TRPV3: variants seen among roughly 807,000 people sequenced by gnomAD.
The protein encoded by TRPV3 is VRL-3.
TRPV3 carries 88 observed loss-of-function variants against 87.1 expected under a neutral mutation model. The observed-to-expected ratio is 1.01, with a 90% CI of 0.85 to 1.21. The LOEUF is 1.21. TRPV3 is among the 50% of genes most tolerant of loss of function. The pLI, the probability that TRPV3 is intolerant of heterozygous loss-of-function variation, is 0.00. For missense variants in TRPV3, 1,054 were observed against 1,030.1 expected, an observed-to-expected ratio of 1.02 and a Z score of -0.32; for synonymous variants, 438 against 423.3, an observed-to-expected ratio of 1.03 and a Z score of -0.43.
intron 17 of TRPV3, chr17:3,514,382 A>G (rs2074154375): frequency 1.7e-6 from 1 of 584,652 alleles, no homozygotes; most frequent in African/African-American, 1.9e-5. Context: ...CCCGGCCTGC[A>G]TGATGTGTTT....
In TRPV3 at chr17:3,526,898, C is replaced by T. The variant is rs778694903; in HGVS notation, c.1533G>A (p.Ser511=). 15 of 1,612,046 alleles carry T rather than the reference C, an allele frequency of 9.3e-6. No individual in the cohort carries two copies. The highest frequency in any genetic ancestry group is 3.3e-4 in the Middle Eastern group (2 of 6,080). ...EGIAIFLLRP[S]DLQSILSDAW... ...CATCCGAGAGGATGGACTGCAGATC[C>T]GAGGGTCTCAGCAGGAAGATGGCAA... is the stretch of plus-strand genomic sequence containing the variant. The change falls in exon 12 of 18, where the codon TCG becomes TCA. Residue 511 remains serine (S), a synonymous_variant. Coordinates refer to ENST00000576742, the MANE Select transcript of TRPV3 (RefSeq NM_145068.4).
chr17:3,514,080 C>CTT, intron 17 of TRPV3, 69 bp from the exon 18 acceptor site: 2 of 1,344,308 alleles, frequency 1.5e-6, no homozygotes, highest in Non-Finnish European at 1.0e-6. Context: ...TTTTCTTTTT[C>CTT]TTTTTTTTCT....
intron 8 of TRPV3, 143 bp downstream of exon 8, chr17:3,532,514 G>T: frequency 9.1e-7 from 1 of 1,093,440 alleles, no homozygotes; most frequent in Non-Finnish European, 1.3e-6. Context: ...CCACGCCACT[G>T]CAGTTCTGGA....
rs1302188939 is a variant in TRPV3 at position 3,526,843 on chromosome 17, G to C, written c.1577+11C>G. The C allele has an allele frequency of 3.1e-6, 5 of 1,607,554 alleles. No homozygotes were observed. The highest frequency in any genetic ancestry group is 1.7e-6 in the Non-Finnish European group (2 of 1,176,922). On this transcript the variant is annotated intron_variant, in intron 12 of 17. Coordinates refer to ENST00000576742, the MANE Select transcript of TRPV3 (RefSeq NM_145068.4). ...CTGTGAGGCGATAACCAAGGGGCCA[G>C]ACCTACTTACAAGACAAAGTGGAAC...
At chr17:3,529,906 G>T (rs1234379005) in intron 9 of TRPV3, 121 bp downstream of exon 9, 2 of 1,119,122 alleles carry the variant, frequency 1.8e-6, no homozygotes, top group Non-Finnish European at 1.3e-6. Flanking sequence ...CAACAGAGTG[G>T]GGTATGCAGA....
intron 2 of TRPV3, among the ~76,000 whole-genome samples, chr17:3,550,997 G>C (rs981459431): frequency 6.6e-6 from 1 of 152,222 alleles, no homozygotes; most frequent in African/African-American, 2.4e-5. Context: ...TCTTCAGAGA[G>C]GGGCTGCGCT....
chr17:3,514,632 A>G lies in TRPV3; in HGVS notation c.2239T>C (p.Ser747Pro), dbSNP rs756918114. ...GGCCCCGGGTCTTCGTTAAGGAAGG[A>G]GACGTGCGTCTTCCATTCAGTCCAC... Reference protein sequence around the residue: ...VKWTEWKTHVSFLNEDPGPVR... With the variant: ...VKWTEWKTHVPFLNEDPGPVR... Residue 747 changes from serine to proline, a missense_variant, in exon 17 of 18, where the codon TCC (serine) becomes CCC (proline). By Grantham distance (74) the Ser-to-Pro change is moderately conservative. Coordinates refer to ENST00000576742, the MANE Select transcript of TRPV3 (RefSeq NM_145068.4). The G allele has an allele frequency of 1.9e-6, 3 of 1,614,046 alleles. No homozygotes were observed. The South Asian group carries it at 3.3e-5, about 18-fold the overall frequency.
rs1357265829 is a variant in TRPV3 at position 3,530,824 on chromosome 17, G to A, written c.1066-621C>T. Among the ~76,000 whole-genome samples, 2 of 152,146 alleles carry A rather than the reference G, an allele frequency of 1.3e-5. No homozygotes were observed. The highest frequency in any genetic ancestry group is 1.9e-4 in the East Asian group (1 of 5,178). The stretch of plus-strand genomic sequence containing the variant: ...TAATCCCAGCACTTTGGGAGGCCGA[G>A]GCGGGTGGATCATTTGAGGTCAGGA... On this transcript the variant is annotated intron_variant, in intron 8 of 17. Coordinates refer to ENST00000576742, the MANE Select transcript of TRPV3 (RefSeq NM_145068.4). The surrounding 1 kb of genome is among the most constrained non-coding windows in gnomAD (Gnocchi z 4.0).
chr17:3,539,525 A>G (rs1007657358), intron 6 of TRPV3: 27 of 152,128 alleles, frequency 1.8e-4, no homozygotes, highest in Admixed American at 1.7e-3. Context: ...GGTGGCACGC[A>G]TCTATAGTCC....
intron 7 of TRPV3, among the ~76,000 whole-genome samples, chr17:3,533,594 G>A (rs1330548642): frequency 6.6e-6 from 1 of 151,774 alleles, no homozygotes; most frequent in African/African-American, 2.4e-5. Context: ...TGCCTCCCGG[G>A]TTCAAGCTAT....
At position 3,513,877 on chromosome 17, in the gene TRPV3, G is replaced by T; in HGVS notation, c.*40C>A. On this transcript the variant is annotated 3_prime_UTR_variant, in exon 18 of 18. Transcript: ENST00000576742. ...CAGAGTCGGTGACTCCGCCTGCAGC[G>T]CCAGACAGCGCACGCGCACACCAGC... 1 of 1,549,636 alleles carries T rather than the reference G, an allele frequency of 6.5e-7. No homozygotes were observed. The highest frequency in any genetic ancestry group is 1.4e-5 in the African/African-American group (1 of 73,254).
chr17:3,535,612 A>AG lies in TRPV3; in HGVS notation c.744dup (p.Phe249LeufsTer15). The AG allele has an allele frequency of 6.2e-7, 1 of 1,609,428 alleles. No individual in the cohort carries two copies. Among genetic ancestry groups the AG allele is most frequent in the Non-Finnish European group, 8.5e-7 (1 of 1,178,598 alleles). On this transcript the variant is annotated frameshift_variant, in exon 7 of 18. Transcript: ENST00000576742. LOFTEE classifies it high-confidence loss of function. ...TCGTGTTGGTACTTGGGGTTGAAGA[A>AG]GGCCCCCTTGGCGTGCGCGTTGACG...
chr17:3,546,638 A>G (rs1175677388), intron 2 of TRPV3: 1 of 455,986 alleles, frequency 2.2e-6, no homozygotes, highest in Non-Finnish European at 4.4e-6. Flanking sequence ...TAGATAAAGC[A>G]ACTTGCCCAA....
chr17:3,554,973 C>A, intron 1 of TRPV3, 121 bp from the exon 2 acceptor site: 1 of 614,208 alleles, frequency 1.6e-6, no homozygotes, highest in Non-Finnish European at 2.9e-6. Context: ...TGGAAGCTCA[C>A]TCCTCCCTTC....
chr17:3,544,684 G>A lies in TRPV3; in HGVS notation c.225-19C>T, dbSNP rs753824243. On this transcript the variant is annotated intron_variant, in intron 3 of 17. Coordinates refer to ENST00000576742, the MANE Select transcript of TRPV3 (RefSeq NM_145068.4). ...AGAGATGCTGGAGGTGTTGGCAGGG[G>A]GAACAGAGAGGGTTTTAAAGTTTTA... is the stretch of plus-strand genomic sequence containing the variant. 3 of 1,582,342 alleles carry A rather than the reference G, an allele frequency of 1.9e-6. No individual in the cohort carries two copies. Among genetic ancestry groups the A allele is most frequent in the Non-Finnish European group, 2.6e-6 (3 of 1,158,182 alleles).
chr17:3,542,936 C>T (rs1419844914), intron 5 of TRPV3, among the ~76,000 whole-genome samples: 1 of 152,028 alleles, frequency 6.6e-6, no homozygotes, highest in African/African-American at 2.4e-5. Flanking sequence ...TGCTCTTTGC[C>T]CACTGTATGG....
At position 3,537,892 on chromosome 17, in the gene TRPV3, TAA is replaced by T. The variant is rs1161250971; in HGVS notation, c.644-2181_644-2180del. 1.5e-3 allele frequency among the ~76,000 whole-genome samples: 157 copies of T among 101,484 alleles called. 2 individuals are homozygous for T. Among genetic ancestry groups the T allele is most frequent in the African/African-American group, 6.5e-3 (114 of 17,454 alleles). The allele number at this position is 101,484 out of a possible 152,430, so 66.6% of individuals were successfully genotyped here. A position where few individuals can be genotyped will look rare whatever the true frequency, so the allele number is the denominator to read the frequency against. On this transcript the variant is annotated intron_variant, in intron 6 of 17. Coordinates refer to ENST00000576742, the MANE Select transcript of TRPV3 (RefSeq NM_145068.4). ...GCTAGAGAGCAAGACTCTGTCTTTT[TAA>T]AAAAAAAAAAAAAAAAAAGGCATGC...
intron 6 of TRPV3, among the ~76,000 whole-genome samples, chr17:3,540,199 GT>G (rs2074445850): frequency 6.6e-6 from 1 of 152,206 alleles, no homozygotes; most frequent in South Asian, 2.1e-4. Flanking sequence ...AAACTTTAGA[GT>G]GGACAATCAG....
At chr17:3,553,152 G>A (rs1307306132) in intron 2 of TRPV3, 3 of 152,148 alleles carry the variant, frequency 2.0e-5, no homozygotes, top group East Asian at 1.9e-4. Flanking sequence ...TTTACCTCCC[G>A]TGGCTGGTCC....
Sources: gnomAD v4.1 joint callset for allele counts (sites outside exome capture counted in the v4.1 genomes callset) on GRCh38, gnomAD v4.1.1 for gene constraint, Gnocchi (gnomAD v3.1) non-coding constraint, MANE v1.5 for transcripts, NCBI Gene and HGNC (gene_info 2026-07-23, HGNC 2026-07-21) for gene names.